ASPHD1: variants seen among roughly 807,000 people sequenced by gnomAD.
ASPHD1 encodes the protein aspartate beta-hydroxylase domain containing 1, also known as aspartate beta-hydroxylase domain-containing protein 1.
Under a neutral mutation model 28.3 loss-of-function variants are expected in ASPHD1, and 20 were observed. The observed-to-expected ratio is 0.71, with a 90% CI of 0.50 to 1.03. The LOEUF (loss-of-function observed/expected upper bound fraction) is 1.03, where lower values mean the gene tolerates loss of function less well. ASPHD1 is among the 50% of genes least tolerant of loss of function. The pLI, the probability that ASPHD1 is intolerant of heterozygous loss-of-function variation, is 0.00. For synonymous variants in ASPHD1, 240 were observed against 221.2 expected, an observed-to-expected ratio of 1.08 and a Z score of -0.75; for missense variants, 479 against 524.1, an observed-to-expected ratio of 0.91 and a Z score of 0.84.
At chr16:29,911,418 TC>T (rs1378880437) in intron 3 of ASPHD1, 3 of 559,066 alleles carry the variant, frequency 5.4e-6, no homozygotes, top group Admixed American at 3.3e-5. Flanking sequence ...CCAGGCCACC[TC>T]CCCGGGGGTC....
chr16:29,919,602 G>A (rs775274423), exon 4 of ASPHD1: 5 of 152,110 alleles, frequency 3.3e-5, no homozygotes, highest in Non-Finnish European at 5.9e-5. Context: ...CACATTTCTG[G>A]AACAACTGGA....
chr16:29,908,082 A>T (rs2068644113), downstream of ASPHD1, among the ~76,000 whole-genome samples: 2 of 151,902 alleles, frequency 1.3e-5, no homozygotes, highest in Non-Finnish European at 2.9e-5. Flanking sequence ...TACAACTTTA[A>T]GAAGGACTCC....
chr16:29,901,786 A>G lies in ASPHD1; in HGVS notation c.815A>G (p.Tyr272Cys), dbSNP rs1466420170. The G allele has an allele frequency of 2.6e-6, 4 of 1,560,446 alleles. No individual in the cohort carries two copies. The highest frequency in any genetic ancestry group is 2.0e-5 in the Admixed American group (1 of 51,210). The change falls in exon 1 of 3, where the codon TAT (tyrosine) becomes TGT (cysteine). Residue 272 changes from tyrosine to cysteine, a missense_variant. Tyr to Cys is a radical substitution (Grantham distance 194, BLOSUM62 -2). Transcript: ENST00000308748. This position sits in a 1 kb window ranked among gnomAD's most constrained non-coding sequence, Gnocchi z 5.1. The stretch of plus-strand genomic sequence containing the variant: ...AACTGCCGCCGGTGCCCGGGGGCCT[A>G]TCGGGCACTGAGGGGGCTTCGAAGC... ...PSNCRRCPGA[Y>C]RALRGLRSFM... is the part of the protein sequence containing the mutation.
In ASPHD1 at chr16:29,901,771, G is replaced by T. The variant is rs767612603; in HGVS notation, c.800G>T (p.Arg267Leu). Residue 267 changes from arginine (R) to leucine (L), a missense_variant, in exon 1 of 3, where the codon CGG becomes CTG. Arg to Leu is a moderately radical substitution (Grantham distance 102). Coordinates refer to ENST00000308748, the MANE Select transcript of ASPHD1 (RefSeq NM_181718.4). The surrounding 1 kb of genome is among the most constrained non-coding windows in gnomAD (Gnocchi z 5.1). ...CGGTGCCAACCCAGCAACTGCCGCCGGTGCCCGGGGGCCTATCGGGCACTG... is the reference window on the plus strand; with the variant it reads ...CGGTGCCAACCCAGCAACTGCCGCCTGTGCCCGGGGGCCTATCGGGCACTG... ...AGRCQPSNCR[R>L]CPGAYRALRG... is the part of the protein sequence containing the mutation. The T allele has an allele frequency of 6.4e-6, 10 of 1,552,582 alleles. No homozygotes were observed. In the Admixed American group the frequency reaches 8.0e-5, roughly 12 times the overall value.
At chr16:29,907,582 T>TTTGAGTCTAG (rs2068635491), downstream of ASPHD1, among the ~76,000 whole-genome samples, 1 of 151,708 alleles carries the variant, frequency 6.6e-6, no homozygotes, top group African/African-American at 2.4e-5. Context: ...AGGCCAGGAG[T>TTTGAGTCTAG]TTGAGTCTAG....
At chr16:29,916,731 T>C (rs903231200) in intron 3 of ASPHD1, among the ~76,000 whole-genome samples, 4 of 152,158 alleles carry the variant, frequency 2.6e-5, no homozygotes, top group African/African-American at 9.6e-5. Flanking sequence ...ATAAACATTA[T>C]CTCACATAGT....
chr16:29,900,968 G>T lies in ASPHD1; in HGVS notation c.-4G>T. 1 of 1,552,102 alleles carries T rather than the reference G, an allele frequency of 6.4e-7. No homozygotes were observed. Among genetic ancestry groups the T allele is most frequent in the Non-Finnish European group, 8.7e-7 (1 of 1,147,212 alleles). ...GAGAAAGGAGAGAGGAGGGTTGGAGGTGCATGAAGGAGGGGAGAGGGAGCT... is the reference window on the plus strand; with the variant it reads ...GAGAAAGGAGAGAGGAGGGTTGGAGTTGCATGAAGGAGGGGAGAGGGAGCT... On this transcript the variant is annotated 5_prime_UTR_variant, in exon 1 of 3. Transcript: ENST00000308748.
downstream of ASPHD1, among the ~76,000 whole-genome samples, chr16:29,910,215 T>C (rs1322644817): frequency 2.0e-5 from 3 of 151,206 alleles, no homozygotes; most frequent in Admixed American, 6.6e-5. Context: ...CTGGCCAACA[T>C]GGTGAAACCC....
At chr16:29,919,202 G>A (rs989153584) in intron 3 of ASPHD1, among the ~76,000 whole-genome samples, 28 of 152,198 alleles carry the variant, frequency 1.8e-4, no homozygotes, top group Non-Finnish European at 1.3e-4. Context: ...GTTGGAAAGC[G>A]GGTCATTGTG....
downstream of ASPHD1, among the ~76,000 whole-genome samples, chr16:29,908,056 C>T (rs1597010175): frequency 1.3e-5 from 2 of 150,720 alleles, no homozygotes; most frequent in Admixed American, 1.3e-4. Context: ...GATGTGATAG[C>T]CAGAGCCAGG....
chr16:29,912,648 C>T (rs1335279686), intron 3 of ASPHD1, among the ~76,000 whole-genome samples: 1 of 152,218 alleles, frequency 6.6e-6, no homozygotes, highest in Non-Finnish European at 1.5e-5. Context: ...CCATGTTGGT[C>T]AGGCTGGTCA....
Position 29,905,997 on chromosome 16 carries a change from G to A in ASPHD1, c.*100G>A. ...TCCTCTCTACTGCGGGGGTGGGCGG[G>A]GGCGGAGGATGGGAACTGGCTAGTG... On this transcript the variant is annotated 3_prime_UTR_variant, in exon 3 of 3. Transcript: ENST00000308748. 1 of 706,924 alleles carries A rather than the reference G, an allele frequency of 1.4e-6. No individual in the cohort carries two copies. Among genetic ancestry groups the A allele is most frequent in the South Asian group, 1.8e-5 (1 of 54,714 alleles). The allele number at this position is 706,924 out of a possible 1,614,324, so 43.8% of individuals were successfully genotyped here. A position where few individuals can be genotyped will look rare whatever the true frequency, so the allele number is the denominator to read the frequency against.
Position 29,905,984 on chromosome 16 carries a change from C to A in ASPHD1, c.*87C>A. On this transcript the variant is annotated 3_prime_UTR_variant, in exon 3 of 3. Coordinates refer to ENST00000308748, the MANE Select transcript of ASPHD1 (RefSeq NM_181718.4). ...GGTAGCCAGGACCTCCTCTCTACTG[C>A]GGGGGTGGGCGGGGGCGGAGGATGG... 5.1e-6 allele frequency: 2 copies of A among 394,920 alleles called. No homozygotes were observed. The highest frequency in any genetic ancestry group is 1.9e-5 in the South Asian group (1 of 51,916). 24.5% of individuals were successfully genotyped at this position (394,920 alleles called of 1,614,324 possible). A position where few individuals can be genotyped will look rare whatever the true frequency, so the allele number is the denominator to read the frequency against.
At position 29,906,002 on chromosome 16, in the gene ASPHD1, G is replaced by C; in HGVS notation, c.*105G>C. The C allele has an allele frequency of 7.2e-6, 3 of 414,052 alleles. No homozygotes were observed. Among genetic ancestry groups the C allele is most frequent in the African/African-American group, 2.1e-5 (1 of 48,132 alleles). 25.6% of individuals were successfully genotyped at this position (414,052 alleles called of 1,614,324 possible). ...TCTACTGCGGGGGTGGGCGGGGGCG[G>C]AGGATGGGAACTGGCTAGTGAGCAC... On this transcript the variant is annotated 3_prime_UTR_variant, in exon 3 of 3. Coordinates refer to ENST00000308748, the MANE Select transcript of ASPHD1 (RefSeq NM_181718.4).
intron 3 of ASPHD1, among the ~76,000 whole-genome samples, chr16:29,918,198 A>C (rs2068843056): frequency 1.3e-5 from 2 of 152,226 alleles, no homozygotes; most frequent in Admixed American, 6.5e-5. Context: ...AAGGATTATC[A>C]ATTTGTGTGT....
chr16:29,910,995 C>T, downstream of ASPHD1: 1 of 1,614,030 alleles, frequency 6.2e-7, no homozygotes, highest in Non-Finnish European at 8.5e-7. Context: ...TGCTTCTTCT[C>T]CGTAGCATAG....
At chr16:29,918,420 A>G (rs2068847760) in intron 3 of ASPHD1, among the ~76,000 whole-genome samples, 1 of 152,340 alleles carries the variant, frequency 6.6e-6, no homozygotes, top group South Asian at 2.1e-4. Flanking sequence ...AATATTACCT[A>G]AAATGTATTC....
rs761976355 is a variant in ASPHD1 at position 29,901,426 on chromosome 16, CCTACG to C, written c.457_461del (p.Tyr153LysfsTer10). The C allele has an allele frequency of 6.3e-7, 1 of 1,597,884 alleles. No individual in the cohort carries two copies. The highest frequency in any genetic ancestry group is 8.5e-7 in the Non-Finnish European group (1 of 1,173,410). On this transcript the variant is annotated frameshift_variant, in exon 1 of 3. Transcript: ENST00000308748. LOFTEE classifies it high-confidence loss of function. The surrounding 1 kb of genome is among the most constrained non-coding windows in gnomAD (Gnocchi z 5.1). ...GGCCTAGTGAGCCGGCGGCTTCGGG[CCTACG>C]CAAGGCGCTACTCCTGGGCTGGGAT...
downstream of ASPHD1, chr16:29,906,760 G>A (rs954127010): frequency 5.8e-6 from 5 of 862,638 alleles, no homozygotes; most frequent in East Asian, 1.3e-4. Context: ...TGAAGGGACA[G>A]AGGAGGACCC....
Sources: gnomAD v4.1 joint callset for allele counts (sites outside exome capture counted in the v4.1 genomes callset) on GRCh38, gnomAD v4.1.1 for gene constraint, Gnocchi (gnomAD v3.1) non-coding constraint, MANE v1.5 for transcripts, NCBI Gene and HGNC (gene_info 2026-07-23, HGNC 2026-07-21) for gene names.